The following CHLSN variants were observed in gnomAD, a reference collection of about 807,000 sequenced individuals.
CHLSN encodes the protein protein cholesin.
At chr7:1,108,447 C>A in the CHLSN span, among the ~76,000 whole-genome samples, 6 of 152,090 alleles carry the variant, frequency 3.9e-5, no homozygotes, top group Non-Finnish European at 8.8e-5. Context: ...CTGTGGGCAG[C>A]TTTGCACCTA....
At chr7:1,001,874 G>T in the CHLSN span, among the ~76,000 whole-genome samples, 1 of 100,522 alleles carries the variant, frequency 9.9e-6, no homozygotes, top group Admixed American at 9.3e-5. Context: ...TGTGGGTGGG[G>T]AGTCCTGTGG....
the CHLSN span, chr7:985,234 C>G: frequency 6.4e-7 from 1 of 1,553,128 alleles, no homozygotes; most frequent in Non-Finnish European, 8.7e-7. Context: ...CCTCTTCGGC[C>G]GCCGATTTGA....
the CHLSN span, chr7:1,138,097 GGGGGCGGAGCCCCGCGGGAGCC>G: frequency 6.6e-6 from 1 of 150,410 alleles, no homozygotes; most frequent in African/African-American, 2.4e-5. Context: ...CCCACGTGGA[GGGGGCGGAGCCCCGCGGGAGCC>G]CGCCCCGGGG....
At chr7:1,092,568 C>T in the CHLSN span, 17 of 1,610,496 alleles carry the variant, frequency 1.1e-5, no homozygotes, top group Admixed American at 1.2e-4. Flanking sequence ...TCTTCATCAG[C>T]GTGCACCTCC....
the CHLSN span, among the ~76,000 whole-genome samples, chr7:1,044,190 T>C: frequency 3.9e-5 from 6 of 152,238 alleles, no homozygotes; most frequent in African/African-American, 7.2e-5. Context: ...CTCATTTCCT[T>C]TGGAGGGCGG....
At chr7:988,532 C>T in the CHLSN span, 25 of 1,596,330 alleles carry the variant, frequency 1.6e-5, no homozygotes, top group South Asian at 1.8e-4. Flanking sequence ...GTTCTGAAGG[C>T]GGCTGTGGTG....
At chr7:998,523 C>G in the CHLSN span, among the ~76,000 whole-genome samples, 3 of 144,124 alleles carry the variant, frequency 2.1e-5, no homozygotes, top group Non-Finnish European at 3.0e-5. Context: ...TGCAGTGGCA[C>G]GATCTCCACC....
At chr7:1,049,566 G>A in the CHLSN span, among the ~76,000 whole-genome samples, 1 of 152,176 alleles carries the variant, frequency 6.6e-6, no homozygotes, top group African/African-American at 2.4e-5. Context: ...CTAGGAAGAC[G>A]GAGGGCGAGG....
chr7:1,130,007 C>T, the CHLSN span, among the ~76,000 whole-genome samples: 8 of 152,172 alleles, frequency 5.3e-5, no homozygotes, highest in East Asian at 5.8e-4. Flanking sequence ...ACACGGGCTG[C>T]GGGCACCGGT....
chr7:1,109,700 C>CT, the CHLSN span, among the ~76,000 whole-genome samples: 2 of 151,884 alleles, frequency 1.3e-5, no homozygotes, highest in African/African-American at 4.8e-5. Flanking sequence ...CAGCAGGGCC[C>CT]TTCCCCTCCC....
At chr7:1,037,081 A>C in the CHLSN span, among the ~76,000 whole-genome samples, 1 of 147,598 alleles carries the variant, frequency 6.8e-6, no homozygotes, top group African/African-American at 2.4e-5. Context: ...ACTGCACTCC[A>C]GCCTGGGTGA....
the CHLSN span, chr7:988,648 T>C: frequency 8.1e-6 from 13 of 1,601,744 alleles, no homozygotes; most frequent in African/African-American, 1.7e-4. Flanking sequence ...GCCGCGTCTG[T>C]GTTGGGGAGC....
chr7:1,053,864 A>G, the CHLSN span, among the ~76,000 whole-genome samples: 1 of 152,162 alleles, frequency 6.6e-6, no homozygotes, highest in African/African-American at 2.4e-5. Context: ...CATACACTTC[A>G]TGCTCACTTC....
At chr7:1,009,016 TACACATGCAC>T in the CHLSN span, among the ~76,000 whole-genome samples, 1 of 134,902 alleles carries the variant, frequency 7.4e-6, no homozygotes, top group East Asian at 2.1e-4. Context: ...CACACACACA[TACACATGCAC>T]ACACGTACAC....
the CHLSN span, chr7:997,379 G>A: frequency 2.5e-5 from 12 of 481,990 alleles, no homozygotes; most frequent in African/African-American, 2.0e-4. Flanking sequence ...CACGCTCTGC[G>A]CTGAAGGCAC....
chr7:993,394 A>G, the CHLSN span, among the ~76,000 whole-genome samples: 13 of 152,124 alleles, frequency 8.5e-5, no homozygotes, highest in South Asian at 2.1e-4. Flanking sequence ...GCAGAGAAAG[A>G]GCCCAGCTGG....
the CHLSN span, among the ~76,000 whole-genome samples, chr7:1,091,064 T>C: frequency 6.6e-6 from 1 of 152,208 alleles, no homozygotes; most frequent in Non-Finnish European, 1.5e-5. Context: ...CAAATGCCGT[T>C]GTCCTGGGGC....
At chr7:1,116,862 G>A in the CHLSN span, among the ~76,000 whole-genome samples, 3 of 49,810 alleles carry the variant, frequency 6.0e-5, no homozygotes, top group Admixed American at 1.8e-4. Context: ...CATGACTGCA[G>A]CTCTACGGAC....
chr7:1,101,268 A>T, the CHLSN span, among the ~76,000 whole-genome samples: 1 of 152,274 alleles, frequency 6.6e-6, no homozygotes. Context: ...AACAAGGGTT[A>T]AAAAGCCAAA....
Sources: gnomAD v4.1 joint callset for allele counts (sites outside exome capture counted in the v4.1 genomes callset) on GRCh38, gnomAD v4.1.1 for gene constraint, MANE v1.5 for transcripts, NCBI Gene and HGNC (gene_info 2026-07-23, HGNC 2026-07-21) for gene names.